COL28A1: variants seen among roughly 807,000 people sequenced by gnomAD.
The protein encoded by COL28A1 is collagen alpha-1(XXVIII) chain.
COL28A1 carries 161 observed loss-of-function variants against 150.2 expected under a neutral mutation model. That is an observed-to-expected ratio of 1.07 (90% CI 0.94 to 1.22). The LOEUF (loss-of-function observed/expected upper bound fraction) is 1.22, where lower values mean the gene tolerates loss of function less well. Among genes scored for constraint, COL28A1 ranks in the 50% most tolerant of loss-of-function variants. The pLI, the probability that COL28A1 is intolerant of heterozygous loss-of-function variation, is 0.00. For missense variants in COL28A1, 1,617 were observed against 1,388.3 expected, an observed-to-expected ratio of 1.16 and a Z score of -2.62; for synonymous variants, 552 against 469.7, an observed-to-expected ratio of 1.18 and a Z score of -2.26.
intron 15 of COL28A1, among the ~76,000 whole-genome samples, chr7:7,461,467 G>A (rs1171693488): frequency 6.6e-6 from 1 of 152,210 alleles, no homozygotes; most frequent in Non-Finnish European, 1.5e-5. Flanking sequence ...GACTTTCCTA[G>A]CTGGGAGGTG....
intron 6 of COL28A1, 150 bp from the exon 7 acceptor site, chr7:7,517,987 C>CAAA: frequency 9.6e-6 from 5 of 519,000 alleles, no homozygotes; most frequent in South Asian, 4.8e-5. Flanking sequence ...GCAATCTAGG[C>CAAA]AAAAAAAAAA....
chr7:7,377,753 G>A (rs1781637417), intron 30 of COL28A1, among the ~76,000 whole-genome samples: 1 of 148,900 alleles, frequency 6.7e-6, no homozygotes, highest in Admixed American at 6.8e-5. Flanking sequence ...TTTTATTTAA[G>A]AGAGATGATC....
Position 7,531,532 on chromosome 7 carries a change from G to T in COL28A1, c.497C>A (p.Pro166Gln). The change falls in exon 3 of 35, where the codon CCA becomes CAA. Residue 166 changes from proline (P) to glutamine (Q), a missense_variant. Physicochemically the swap from Pro to Gln is moderately conservative, Grantham distance 76. Transcript: ENST00000399429. The part of the protein sequence containing the change: ...VLLMTDGIDH[P>Q]KNPDVQSISE... ...AATACTTTGAACATCTGGATTCTTT[G>T]GATGGTCGATGCCATCAGTCATCAG... 2 of 1,611,316 alleles carry T rather than the reference G, an allele frequency of 1.2e-6. No individual in the cohort carries two copies. Among genetic ancestry groups the T allele is most frequent in the Non-Finnish European group, 1.7e-6 (2 of 1,177,692 alleles).
intron 15 of COL28A1, among the ~76,000 whole-genome samples, chr7:7,456,845 G>A (rs1787210585): frequency 6.6e-6 from 1 of 152,200 alleles, no homozygotes; most frequent in South Asian, 2.1e-4. Context: ...TAACTAGTAT[G>A]TTGAATAATA....
chr7:7,419,885 C>T lies in COL28A1; in HGVS notation c.2067G>A (p.Lys689=). Residue 689 remains lysine (K), a splice_region_variant and synonymous_variant, in exon 26 of 35, where the codon AAG becomes AAA. Transcript: ENST00000399429. ...ACAAAGCACTGAGCTGAGGACTCAC[C>T]TTTGGCCCTTGGGTTCCTACGCCCC... ...GPRGVGTQGP[K]GDTGQKGLPG... 6.3e-7 allele frequency: 1 copy of T among 1,595,246 alleles called. No homozygotes were observed. The highest frequency in any genetic ancestry group is 1.3e-5 in the African/African-American group (1 of 74,108).
intron 15 of COL28A1, among the ~76,000 whole-genome samples, chr7:7,461,564 C>A (rs1282751306): frequency 6.6e-6 from 1 of 152,112 alleles, no homozygotes; most frequent in Admixed American, 6.5e-5. Context: ...GGGAGTCAGA[C>A]CAGCCCTTCA....
intron 31 of COL28A1, among the ~76,000 whole-genome samples, chr7:7,374,034 A>ATATATATAT (rs1230327194): frequency 2.6e-5 from 2 of 76,590 alleles, no homozygotes; most frequent in East Asian, 1.0e-3. Context: ...TAAAAAAAAA[A>ATATATATAT]AAAAATATAT....
chr7:7,400,975 G>GGTGTGTGGGT (rs1783148159), intron 27 of COL28A1, among the ~76,000 whole-genome samples: 1 of 119,074 alleles, frequency 8.4e-6, no homozygotes, highest in Admixed American at 8.7e-5. Flanking sequence ...TGGGTATTTG[G>GGTGTGTGGGT]GTGTGTGTGT....
rs759025452 is a variant in COL28A1, at chr7:7,531,942, C to T, written c.125-38G>A. On this transcript the variant is annotated intron_variant, in intron 2 of 34. Coordinates refer to ENST00000399429, the MANE Select transcript of COL28A1 (RefSeq NM_001037763.3). Reference sequence around the variant, plus strand: ...AAACAGGTTAGGCAAAATAATTATTCCTATCATGAAACAAATTTGCATACG... The same window carrying T: ...AAACAGGTTAGGCAAAATAATTATTTCTATCATGAAACAAATTTGCATACG... The T allele has an allele frequency of 9.9e-6, 13 of 1,307,886 alleles. No individual in the cohort carries two copies. In the South Asian group the frequency reaches 1.7e-4, roughly 17 times the overall value. 81.0% of individuals were successfully genotyped at this position (1,307,886 alleles called of 1,614,324 possible). A position where few individuals can be genotyped will look rare whatever the true frequency, so the allele number is the denominator to read the frequency against.
At position 7,370,753 on chromosome 7, in the gene COL28A1, G is replaced by A; in HGVS notation, c.3038C>T (p.Pro1013Leu). Residue 1013 changes from proline (P) to leucine (L), a missense_variant, in exon 33 of 35, where the codon CCA becomes CTA. By Grantham distance (98) the Pro-to-Leu change is moderately conservative. Coordinates refer to ENST00000399429, the MANE Select transcript of COL28A1 (RefSeq NM_001037763.3). ...MSGEELSEST[P>L]EPQKEISESL... ...CTCAGAAATTTCTTTTTGAGGCTCT[G>A]GAGTAGATTCACTGAGTTCTTCCCC... The A allele has an allele frequency of 6.2e-7, 1 of 1,613,362 alleles. No homozygotes were observed. The highest frequency in any genetic ancestry group is 8.5e-7 in the Non-Finnish European group (1 of 1,179,732).
intron 11 of COL28A1, among the ~76,000 whole-genome samples, chr7:7,501,880 C>T (rs543521793): frequency 1.9e-4 from 29 of 152,020 alleles, no homozygotes; most frequent in South Asian, 4.1e-4. Context: ...AACTGATTTC[C>T]GAGACTATTG....
chr7:7,473,985 A>G (rs960215256), intron 15 of COL28A1, among the ~76,000 whole-genome samples: 16 of 148,384 alleles, frequency 1.1e-4, no homozygotes, highest in African/African-American at 3.9e-4. Context: ...TATATAGTGT[A>G]TATATAGTAT....
At position 7,474,640 on chromosome 7, in the gene COL28A1, G is replaced by T; in HGVS notation, c.1263C>A (p.Gly421=). 7.0e-7 allele frequency: 1 copy of T among 1,437,352 alleles called. No individual in the cohort carries two copies. The allele number at this position is 1,437,352 out of a possible 1,614,324, so 89.0% of individuals were successfully genotyped here. A position where few individuals can be genotyped will look rare whatever the true frequency, so the allele number is the denominator to read the frequency against. ...TTGACAGGCCTTGTAATCCCTGTGG[G>T]CCAGTTGGTCCTTCAGAACCTTTTT... is the stretch of plus-strand genomic sequence containing the variant. ...KGEKGSEGPT[G]PQGLQGLSIK... is the part of the protein sequence containing the mutation. The change falls in exon 15 of 35, where the codon GGC becomes GGA. Residue 421 remains glycine, a synonymous_variant. Transcript: ENST00000399429.
At chr7:7,453,751 G>A (rs1786903762) in intron 16 of COL28A1, among the ~76,000 whole-genome samples, 1 of 149,440 alleles carries the variant, frequency 6.7e-6, no homozygotes, top group Non-Finnish European at 1.5e-5. Flanking sequence ...AGTCCCTGTT[G>A]CAGCCAGGCG....
At chr7:7,524,347 A>C in intron 3 of COL28A1, 98 bp from the exon 4 acceptor site, 1 of 778,826 alleles carries the variant, frequency 1.3e-6, no homozygotes, top group Non-Finnish European at 2.2e-6. Context: ...TGAAGTTTCC[A>C]CAAAGAATAG....
intron 15 of COL28A1, among the ~76,000 whole-genome samples, chr7:7,472,787 T>C (rs1788544113): frequency 6.6e-6 from 1 of 152,132 alleles, no homozygotes. Flanking sequence ...TATAAGGCCA[T>C]AGTTACCAAA....
chr7:7,526,917 GAGCCACCGCACCT>G (rs1388296818), intron 3 of COL28A1, among the ~76,000 whole-genome samples: 1 of 152,264 alleles, frequency 6.6e-6, no homozygotes, highest in Admixed American at 6.5e-5. Context: ...TTACAGGTGT[GAGCCACCGCACCT>G]AGCCACAATA....
At chr7:7,529,757 C>T (rs911696500) in intron 3 of COL28A1, among the ~76,000 whole-genome samples, 1 of 152,190 alleles carries the variant, frequency 6.6e-6, no homozygotes, top group Non-Finnish European at 1.5e-5. Flanking sequence ...TAACAACAGC[C>T]CACTCATGAC....
Position 7,403,615 on chromosome 7 carries a change from T to A in COL28A1, c.2136+14244A>T, listed in dbSNP as rs1783337425. The stretch of plus-strand genomic sequence containing the variant: ...AAGGATGAGTGCTACTTTTCTTAAA[T>A]GTATGTACTAAACCTGGTAATGTGA... On this transcript the variant is annotated intron_variant, in intron 27 of 34. Transcript: ENST00000399429. Among the ~76,000 whole-genome samples the A allele has an allele frequency of 2.6e-5, 4 of 152,184 alleles. No individual in the cohort carries two copies. In the South Asian group the frequency reaches 8.3e-4, roughly 31 times the overall value.
Sources: gnomAD v4.1 joint callset for allele counts (sites outside exome capture counted in the v4.1 genomes callset) on GRCh38, gnomAD v4.1.1 for gene constraint, MANE v1.5 for transcripts, NCBI Gene and HGNC (gene_info 2026-07-23, HGNC 2026-07-21) for gene names.